Variants in KIF26B observed in about 807,000 individuals in gnomAD.
KIF26B encodes the protein kinesin-like protein KIF26B.
A neutral mutation model predicts 151.2 loss-of-function variants in KIF26B; 63 were observed. The ratio of observed to expected loss-of-function variants is 0.42; its 90% CI spans 0.34 to 0.51. KIF26B has a LOEUF of 0.51. KIF26B is among the 20% of genes least tolerant of loss of function. KIF26B has a pLI of 0.07. For synonymous variants in KIF26B, 1,357 were observed against 1,262.1 expected, an observed-to-expected ratio of 1.08 and a Z score of -1.59; for missense variants, 2,813 against 2,913.6, an observed-to-expected ratio of 0.97 and a Z score of 0.79.
chr1:245,508,835 C>T (rs769318787), intron 4 of KIF26B, among the ~76,000 whole-genome samples: 20 of 152,230 alleles, frequency 1.3e-4, no homozygotes, highest in Admixed American at 2.6e-4. Flanking sequence ...GAGTTCACCT[C>T]AGTCTGGTAC....
chr1:245,586,841 G>A (rs2043231336), intron 5 of KIF26B, among the ~76,000 whole-genome samples: 1 of 150,304 alleles, frequency 6.7e-6, no homozygotes, highest in African/African-American at 2.5e-5. Context: ...AGCCGAGATT[G>A]CGCCACTGCA....
chr1:245,240,984 C>A (rs911563114), intron 2 of KIF26B, among the ~76,000 whole-genome samples: 1 of 152,154 alleles, frequency 6.6e-6, no homozygotes, highest in South Asian at 2.1e-4. Flanking sequence ...CCAGAGTCCC[C>A]GCCCAGGGAT....
At chr1:245,175,601 A>G (rs1284684297) in intron 2 of KIF26B, among the ~76,000 whole-genome samples, 3 of 152,128 alleles carry the variant, frequency 2.0e-5, no homozygotes, top group Non-Finnish European at 4.4e-5. Context: ...TCAATGCAAG[A>G]TTTTTTAAAA....
chr1:245,302,244 G>T (rs1381105776), intron 2 of KIF26B, among the ~76,000 whole-genome samples: 1 of 152,192 alleles, frequency 6.6e-6, no homozygotes, highest in Non-Finnish European at 1.5e-5. Flanking sequence ...GATTATGTTT[G>T]TCAGTACGAG....
At position 245,687,538 on chromosome 1, in the gene KIF26B, G is replaced by A. The variant is rs868090020; in HGVS notation, c.4555G>A (p.Gly1519Ser). The A allele has an allele frequency of 6.4e-6, 10 of 1,568,812 alleles. No individual in the cohort carries two copies. Among genetic ancestry groups the A allele is most frequent in the East Asian group, 2.4e-5 (1 of 42,028 alleles). Residue 1519 changes from glycine (G) to serine (S), a missense_variant, in exon 12 of 15, where the codon GGT (glycine) becomes AGT (serine). This residue lies in a region of KIF26B where 2,060 missense variants were observed against 2,088.6 expected (regional missense o/e 0.99). Coordinates refer to ENST00000407071, the MANE Select transcript of KIF26B (RefSeq NM_018012.4). This position sits in a 1 kb window ranked among gnomAD's most constrained non-coding sequence, Gnocchi z 4.9. ...GGATGGGTGTGAGATGGCCCTGCCC[G>A]GTTTGGCCACCCAGAGCCCCGTGCA... is the stretch of plus-strand genomic sequence containing the variant. ...VVDGCEMALPGLATQSPVHPN... is the reference protein window; with the variant it reads ...VVDGCEMALPSLATQSPVHPN...
intron 5 of KIF26B, among the ~76,000 whole-genome samples, chr1:245,549,922 A>T (rs939619948): frequency 6.6e-6 from 1 of 152,180 alleles, no homozygotes; most frequent in Non-Finnish European, 1.5e-5. Flanking sequence ...CTGGGATTAC[A>T]GGCATATGCC....
At chr1:245,353,760 A>G (rs1276430821) in intron 2 of KIF26B, 1 of 152,608 alleles carries the variant, frequency 6.6e-6, no homozygotes, top group African/African-American at 2.4e-5. Context: ...TGCTTTGCTC[A>G]TCTCAGTGAA....
chr1:245,371,054 C>G (rs1225661124), intron 3 of KIF26B, among the ~76,000 whole-genome samples: 1 of 152,184 alleles, frequency 6.6e-6, no homozygotes, highest in African/African-American at 2.4e-5. Context: ...CAGATACAAC[C>G]AAGATTCACA....
intron 4 of KIF26B, among the ~76,000 whole-genome samples, chr1:245,450,750 T>A (rs1003660306): frequency 3.9e-5 from 6 of 152,192 alleles, no homozygotes; most frequent in Admixed American, 1.3e-4. Context: ...GGACATTAGC[T>A]TTTCTTTGAA....
chr1:245,174,898 G>C (rs1668777289), intron 2 of KIF26B, among the ~76,000 whole-genome samples: 1 of 152,158 alleles, frequency 6.6e-6, no homozygotes, highest in Non-Finnish European at 1.5e-5. Flanking sequence ...TGCTTCCTCG[G>C]TTAAGGAATG....
At chr1:245,297,326 G>A (rs918570532) in intron 2 of KIF26B, among the ~76,000 whole-genome samples, 1 of 152,228 alleles carries the variant, frequency 6.6e-6, no homozygotes, top group African/African-American at 2.4e-5. Context: ...CTGAGTGACA[G>A]AGTGAGATTC....
chr1:245,590,604 G>C (rs975820198), intron 5 of KIF26B, among the ~76,000 whole-genome samples: 1 of 151,996 alleles, frequency 6.6e-6, no homozygotes, highest in Non-Finnish European at 1.5e-5. Flanking sequence ...TGTAACCCGC[G>C]TCTATAAAAA....
chr1:245,162,543 G>A (rs1297192882), intron 2 of KIF26B, among the ~76,000 whole-genome samples: 3 of 151,782 alleles, frequency 2.0e-5, no homozygotes, highest in African/African-American at 4.8e-5. Flanking sequence ...CCGCCACCAC[G>A]CCCAGCTAAT....
At position 245,615,830 on chromosome 1, in the gene KIF26B, C is replaced by A. The variant is rs151211472; in HGVS notation, c.2098+3854C>A. Among the ~76,000 whole-genome samples, 5 of 152,328 alleles carry A rather than the reference C, an allele frequency of 3.3e-5. No individual in the cohort carries two copies. In the East Asian group the frequency reaches 9.6e-4, roughly 29 times the overall value. ...ATGCACACGGCCTCCCCGCCTGGGA[C>A]TCACTTGACTTCAGTGAATTTATAA... On this transcript the variant is annotated intron_variant, in intron 9 of 14. Coordinates refer to ENST00000407071, the MANE Select transcript of KIF26B (RefSeq NM_018012.4).
intron 2 of KIF26B, among the ~76,000 whole-genome samples, chr1:245,178,338 G>A (rs1208586294): frequency 1.3e-5 from 2 of 152,148 alleles, no homozygotes; most frequent in East Asian, 3.8e-4. Context: ...GAGGAGCGGT[G>A]TCTTTTGGGC....
intron 3 of KIF26B, among the ~76,000 whole-genome samples, chr1:245,390,935 A>ACAAACAAAC (rs916888416): frequency 6.9e-6 from 1 of 144,878 alleles, no homozygotes; most frequent in Admixed American, 6.9e-5. Flanking sequence ...AAAAAAAAAA[A>ACAAACAAAC]AAAAAAAAAA....
chr1:245,662,889 T>A (rs2044171902), intron 10 of KIF26B, among the ~76,000 whole-genome samples: 1 of 151,930 alleles, frequency 6.6e-6, no homozygotes, highest in Non-Finnish European at 1.5e-5. Flanking sequence ...CCTTGCTTGT[T>A]TTTTTGTACA....
rs1184198731 is a variant in KIF26B, at chr1:245,156,419, G to A, written c.201G>A (p.Gly67=). 1.3e-6 allele frequency: 2 copies of A among 1,531,340 alleles called. No homozygotes were observed. Among genetic ancestry groups the A allele is most frequent in the Non-Finnish European group, 8.8e-7 (1 of 1,141,462 alleles). 94.9% of individuals were successfully genotyped at this position (1,531,340 alleles called of 1,614,324 possible). A position where few individuals can be genotyped will look rare whatever the true frequency, so the allele number is the denominator to read the frequency against. ...EGAGSALGSS[G]TPSPGSGTSS... Reference sequence around the variant, plus strand: ...CGGGCTCAGCGCTCGGCTCCTCGGGGACCCCGTCTCCCGGCTCGGGCACCT... The same window carrying A: ...CGGGCTCAGCGCTCGGCTCCTCGGGAACCCCGTCTCCCGGCTCGGGCACCT... The change falls in exon 2 of 15, where the codon GGG becomes GGA. Residue 67 remains glycine, a synonymous_variant. Transcript: ENST00000407071.
At chr1:245,366,599 AT>A (rs1157900148) in intron 2 of KIF26B, among the ~76,000 whole-genome samples, 2 of 151,820 alleles carry the variant, frequency 1.3e-5, no homozygotes, top group Non-Finnish European at 2.9e-5. Flanking sequence ...AGTCTTATTT[AT>A]TTTTTTAACT....
Sources: allele counts gnomAD v4.1 joint callset (sites outside exome capture counted in the v4.1 genomes callset), GRCh38; gene constraint gnomAD v4.1.1; regional missense constraint gnomAD v4.1.1; non-coding constraint Gnocchi (gnomAD v3.1); transcripts MANE v1.5; gene names NCBI Gene and HGNC (gene_info 2026-07-23, HGNC 2026-07-21).